CDH11: variants seen among roughly 807,000 people sequenced by gnomAD.
The protein encoded by CDH11 is cadherin 11.
CDH11 carries 11 observed loss-of-function variants against 67.8 expected under a neutral mutation model. The observed-to-expected ratio is 0.16, with a 90% CI of 0.10 to 0.27. CDH11 has a LOEUF of 0.27. CDH11 is among the 10% of genes least tolerant of loss of function. The probability of loss-of-function intolerance (pLI) is 1.00; values close to 1 mark genes in which losing one functional copy is unlikely to be tolerated. For synonymous variants in CDH11, 419 were observed against 400.0 expected (o/e 1.05, Z -0.57); for missense variants, 847 against 1,031.2 (o/e 0.82, Z 2.45).
At chr16:65,087,109 A>G (rs942353437) in intron 1 of CDH11, among the ~76,000 whole-genome samples, 1 of 152,172 alleles carries the variant, frequency 6.6e-6, no homozygotes, top group African/African-American at 2.4e-5. Context: ...GTGAATTGGA[A>G]ATGTCCCAGA....
rs970658415 is a variant in CDH11 at position 64,991,876 on chromosome 16, C to T, written c.703G>A (p.Val235Met). 7 of 1,613,894 alleles carry T rather than the reference C, an allele frequency of 4.3e-6. No homozygotes were observed. The highest frequency in any genetic ancestry group is 5.9e-6 in the Non-Finnish European group (7 of 1,179,820). The change falls in exon 6 of 13, where the codon GTG becomes ATG. Residue 235 changes from valine to methionine, a missense_variant. By Grantham distance (21) the Val-to-Met change is conservative. Transcript: ENST00000268603. ...CCACCCATGTCCTTGGCCTGGATCA[C>T]CACGTGGTACTCCTCCTTGGCCTCC... is the stretch of plus-strand genomic sequence containing the variant. ...DREAKEEYHVVIQAKDMGGHM... is the reference protein window; with the variant it reads ...DREAKEEYHVMIQAKDMGGHM...
At chr16:65,022,710 C>T (rs115954122) in intron 2 of CDH11, among the ~76,000 whole-genome samples, 1 of 152,150 alleles carries the variant, frequency 6.6e-6, no homozygotes, top group Non-Finnish European at 1.5e-5. Context: ...AATGCCAATT[C>T]CAAACTCCTC....
At chr16:65,064,190 C>T (rs1433860726) in intron 1 of CDH11, among the ~76,000 whole-genome samples, 1 of 152,140 alleles carries the variant, frequency 6.6e-6, no homozygotes, top group Admixed American at 6.5e-5. Context: ...GGCATGTCCC[C>T]CAGCAAGCCA....
intron 8 of CDH11, among the ~76,000 whole-genome samples, chr16:64,973,472 C>T (rs1310142070): frequency 6.6e-6 from 1 of 152,110 alleles, no homozygotes; most frequent in Non-Finnish European, 1.5e-5. Context: ...TTAAATTTAT[C>T]AAGATCATGT....
intron 2 of CDH11, among the ~76,000 whole-genome samples, chr16:65,018,892 TG>T (rs2073368308): frequency 6.6e-6 from 1 of 152,194 alleles, no homozygotes; most frequent in African/African-American, 2.4e-5. Context: ...CACCATTGTC[TG>T]TGGAGGACAA....
At chr16:64,953,697 A>G (rs1040554575) in intron 11 of CDH11, among the ~76,000 whole-genome samples, 4 of 152,156 alleles carry the variant, frequency 2.6e-5, no homozygotes, top group African/African-American at 9.7e-5. Context: ...AATTCAAAAT[A>G]TATTTTCTCT....
chr16:65,086,831 TCC>T, intron 1 of CDH11, among the ~76,000 whole-genome samples: 1 of 152,064 alleles, frequency 6.6e-6, no homozygotes, highest in African/African-American at 2.4e-5. Flanking sequence ...AGGCAATAGG[TCC>T]TACAGCCCTC....
At chr16:65,023,445 C>T (rs1345647372) in intron 2 of CDH11, among the ~76,000 whole-genome samples, 1 of 152,060 alleles carries the variant, frequency 6.6e-6, no homozygotes, top group Admixed American at 6.6e-5. Flanking sequence ...GAGGTTCAGC[C>T]CGGGAAGCCA....
At chr16:65,123,647 T>G (rs962937280), upstream of CDH11, 2 of 151,828 alleles carry the variant, frequency 1.3e-5, no homozygotes, top group Non-Finnish European at 2.9e-5. Context: ...CGGGGGCGGG[T>G]GCCGGCGAGG....
chr16:65,086,982 A>G (rs1168927167), intron 1 of CDH11, among the ~76,000 whole-genome samples: 1 of 152,322 alleles, frequency 6.6e-6, no homozygotes, highest in Middle Eastern at 3.4e-3. Flanking sequence ...ATTCGACTTT[A>G]GGGCCTTCAG....
chr16:65,050,490 C>T (rs2142707564), intron 2 of CDH11, among the ~76,000 whole-genome samples: 1 of 152,338 alleles, frequency 6.6e-6, no homozygotes, highest in South Asian at 2.1e-4. Context: ...AGTCTGGCAT[C>T]TTGACCTGTT....
intron 1 of CDH11, among the ~76,000 whole-genome samples, chr16:65,120,898 C>T (rs1405701734): frequency 6.6e-6 from 1 of 152,160 alleles, no homozygotes; most frequent in Non-Finnish European, 1.5e-5. Flanking sequence ...TCCTACAGTT[C>T]CTCTGGGTTG....
chr16:65,074,564 A>G (rs988093631), intron 1 of CDH11, among the ~76,000 whole-genome samples: 2 of 152,122 alleles, frequency 1.3e-5, no homozygotes, highest in African/African-American at 4.8e-5. Flanking sequence ...AGTCCCAAGA[A>G]AGCACCCAAG....
At chr16:65,010,844 T>C (rs892226388) in intron 2 of CDH11, among the ~76,000 whole-genome samples, 3 of 151,824 alleles carry the variant, frequency 2.0e-5, no homozygotes, top group African/African-American at 7.3e-5. Flanking sequence ...TAAAAGTAGA[T>C]ACTATCCTTG....
intron 11 of CDH11, among the ~76,000 whole-genome samples, chr16:64,958,082 A>G (rs2071568058): frequency 6.6e-6 from 1 of 152,164 alleles, no homozygotes; most frequent in Non-Finnish European, 1.5e-5. Context: ...TTCACAGCCC[A>G]TCGTGACTGA....
At chr16:65,110,439 A>G (rs2075136468) in intron 1 of CDH11, among the ~76,000 whole-genome samples, 1 of 152,152 alleles carries the variant, frequency 6.6e-6, no homozygotes, top group Non-Finnish European at 1.5e-5. Flanking sequence ...CCAGATACCT[A>G]GGAAGGCTGG....
chr16:65,045,918 G>A (rs147319747), intron 2 of CDH11, among the ~76,000 whole-genome samples: 7 of 152,138 alleles, frequency 4.6e-5, no homozygotes, highest in African/African-American at 1.7e-4. Flanking sequence ...TACCAAGGAG[G>A]CTTTCAGGAA....
intron 2 of CDH11, among the ~76,000 whole-genome samples, chr16:65,052,197 G>A (rs562120571): frequency 1.4e-4 from 21 of 152,192 alleles, no homozygotes; most frequent in Admixed American, 4.6e-4. Context: ...CTTACTAAGT[G>A]CATACTTTGG....
intron 4 of CDH11, among the ~76,000 whole-genome samples, chr16:64,994,295 A>G (rs1253085693): frequency 6.6e-6 from 1 of 152,232 alleles, no homozygotes; most frequent in African/African-American, 2.4e-5. Context: ...TGGTGTGGCT[A>G]GGGAAATTAT....
Sources: gnomAD v4.1 joint callset for allele counts (sites outside exome capture counted in the v4.1 genomes callset) on GRCh38, gnomAD v4.1.1 for gene constraint, MANE v1.5 for transcripts, NCBI Gene and HGNC (gene_info 2026-07-23, HGNC 2026-07-21) for gene names.